Variants in DACH2 observed in about 807,000 individuals in gnomAD.
The protein encoded by DACH2 is dachshund family transcription factor 2.
A neutral mutation model predicts 35.8 loss-of-function variants in DACH2; 17 were observed. The observed-to-expected ratio is 0.48, with a 90% CI of 0.33 to 0.71. The LOEUF (loss-of-function observed/expected upper bound fraction) is 0.71. Ranked by LOEUF, DACH2 falls within the 30% of genes least tolerant of loss-of-function variation. The pLI, the probability that DACH2 is intolerant of heterozygous loss-of-function variation, is 0.02. For missense variants in DACH2, 469 were observed against 472.7 expected (o/e 0.99, Z 0.07); for synonymous variants, 195 against 177.3 (o/e 1.10, Z -0.79).
At chrX:86,609,528 G>T (rs2039902472) in intron 3 of DACH2, among the ~76,000 whole-genome samples, 1 of 111,879 alleles carries the variant, frequency 8.9e-6, no homozygotes. Flanking sequence ...ACTTGTCGGT[G>T]TTTGTGTCTA....
chrX:86,325,276 C>T (rs1001775217), intron 1 of DACH2, among the ~76,000 whole-genome samples: 2 of 111,307 alleles, frequency 1.8e-5, no homozygotes, highest in Non-Finnish European at 3.8e-5. Context: ...CACTTGCCAG[C>T]GAGCTCACGC....
intron 1 of DACH2, among the ~76,000 whole-genome samples, chrX:86,165,368 C>T (rs1303528400): frequency 3.6e-5 from 4 of 111,300 alleles, no homozygotes; most frequent in Admixed American, 9.5e-5. Context: ...CGGGATCATA[C>T]GGTAGCTCAA....
chrX:86,766,313 G>A (rs1240965321), intron 7 of DACH2, among the ~76,000 whole-genome samples: 1 of 111,548 alleles, frequency 9.0e-6, no homozygotes. Context: ...TATTAAAATA[G>A]TAGTGTGCTA....
At chrX:86,776,490 T>G (rs943843507) in intron 7 of DACH2, among the ~76,000 whole-genome samples, 5 of 112,401 alleles carry the variant, frequency 4.4e-5, no homozygotes, top group Middle Eastern at 9.1e-3. Context: ...GAGAATGGTG[T>G]ACAAATGGGA....
At chrX:86,522,772 G>A (rs1186249382) in intron 3 of DACH2, among the ~76,000 whole-genome samples, 1 of 111,555 alleles carries the variant, frequency 9.0e-6, no homozygotes, top group Non-Finnish European at 1.9e-5. Flanking sequence ...TCTGATATAA[G>A]TATCCCATTT....
chrX:86,318,849 AT>A (rs1427952136), intron 1 of DACH2, among the ~76,000 whole-genome samples: 1 of 111,689 alleles, frequency 9.0e-6, no homozygotes, highest in Non-Finnish European at 1.9e-5. Flanking sequence ...ATGAAATAGA[AT>A]TTTAGATTAC....
intron 3 of DACH2, among the ~76,000 whole-genome samples, chrX:86,608,929 A>C (rs1278136495): frequency 1.8e-5 from 2 of 111,557 alleles, no homozygotes; most frequent in East Asian, 5.6e-4. Flanking sequence ...AAGTTTGATT[A>C]TTAAATGCCT....
intron 2 of DACH2, among the ~76,000 whole-genome samples, chrX:86,423,206 A>C (rs2036833967): frequency 9.0e-6 from 1 of 111,156 alleles, no homozygotes; most frequent in Non-Finnish European, 1.9e-5. Flanking sequence ...TTGCGGAATA[A>C]TATGGTAGCT....
chrX:86,170,636 C>G (rs1490112419), intron 1 of DACH2, among the ~76,000 whole-genome samples: 1 of 112,441 alleles, frequency 8.9e-6, no homozygotes. Context: ...CACCCTAGGC[C>G]ACAAGGAGGA....
intron 4 of DACH2, among the ~76,000 whole-genome samples, chrX:86,662,061 TC>T (rs1432102387): frequency 8.9e-6 from 1 of 112,220 alleles, no homozygotes; most frequent in Non-Finnish European, 1.9e-5. Context: ...CTCTGACTTT[TC>T]TAAAGTTTAT....
At chrX:86,591,123 C>G (rs1009998718) in intron 3 of DACH2, among the ~76,000 whole-genome samples, 2 of 111,448 alleles carry the variant, frequency 1.8e-5, no homozygotes, top group Admixed American at 1.9e-4. Flanking sequence ...TTTCCAGCTT[C>G]ATCCATGTCC....
chrX:86,271,607 C>T (rs184279014), intron 1 of DACH2, among the ~76,000 whole-genome samples: 191 of 111,022 alleles, frequency 1.7e-3, no homozygotes, highest in Middle Eastern at 4.6e-3. Flanking sequence ...AATTTGGTGA[C>T]GGTAGAAGCA....
At chrX:86,451,045 T>G (rs1437802623) in intron 2 of DACH2, among the ~76,000 whole-genome samples, 1 of 112,054 alleles carries the variant, frequency 8.9e-6, no homozygotes, top group East Asian at 2.8e-4. Context: ...ATAGTTTCTC[T>G]TGCTTTGCAG....
At chrX:86,429,792 G>T (rs753379389) in intron 2 of DACH2, among the ~76,000 whole-genome samples, 1 of 111,434 alleles carries the variant, frequency 9.0e-6, no homozygotes, top group Non-Finnish European at 1.9e-5. Context: ...TGAAGTCCTG[G>T]CCTCAAGCAA....
chrX:86,457,054 T>A (rs933470756), intron 2 of DACH2, among the ~76,000 whole-genome samples: 1 of 111,743 alleles, frequency 8.9e-6, no homozygotes, highest in African/African-American at 3.3e-5. Flanking sequence ...ACAGTTTGAC[T>A]ATGACATGCC....
At chrX:86,703,560 G>T (rs1458642278) in intron 5 of DACH2, among the ~76,000 whole-genome samples, 1 of 111,644 alleles carries the variant, frequency 9.0e-6, no homozygotes, top group Non-Finnish European at 1.9e-5. Flanking sequence ...CATGTTAAAT[G>T]ACTTCAGTAA....
chrX:86,289,092 G>A (rs558931650), intron 1 of DACH2, among the ~76,000 whole-genome samples: 1 of 109,556 alleles, frequency 9.1e-6, no homozygotes, highest in African/African-American at 3.3e-5. Flanking sequence ...ACTTCAGTTA[G>A]CAGGTGATGA....
chrX:86,537,357 G>A (rs1412558047), intron 3 of DACH2, among the ~76,000 whole-genome samples: 1 of 111,332 alleles, frequency 9.0e-6, no homozygotes. Flanking sequence ...TCTGGCCTGT[G>A]ATGGGAAGGG....
intron 7 of DACH2, among the ~76,000 whole-genome samples, chrX:86,757,946 G>T (rs986642328): frequency 1.9e-4 from 21 of 111,967 alleles, no homozygotes; most frequent in African/African-American, 6.8e-4. Context: ...TATTCATTAT[G>T]GGTCTGTTCA....
Sources: gnomAD v4.1 joint callset for allele counts (sites outside exome capture counted in the v4.1 genomes callset) on GRCh38, gnomAD v4.1.1 for gene constraint, MANE v1.5 for transcripts, NCBI Gene and HGNC (gene_info 2026-07-23, HGNC 2026-07-21) for gene names.